The following TCF7 variants were observed in gnomAD, a reference collection of about 807,000 sequenced individuals.
TCF7 encodes transcription factor 7.
TCF7 carries 19 observed loss-of-function variants against 46.8 expected under a neutral mutation model. That is an observed-to-expected ratio of 0.41 (90% CI 0.28 to 0.60). The LOEUF (loss-of-function observed/expected upper bound fraction) is 0.60. TCF7 is among the 20% of genes least tolerant of loss of function. TCF7 has a pLI of 0.35. For missense variants in TCF7, 547 were observed against 504.6 expected (o/e 1.08, Z -0.81); for synonymous variants, 245 against 213.4 (o/e 1.15, Z -1.29).
rs1580783240 is a variant in TCF7 at position 134,114,934 on chromosome 5, G to A, written c.28G>A (p.Gly10Ser). ...GCCGCAGCTGGACTCCGGCGGGGGC[G>A]GCGCGGGCGGCGGCGACGACCTCGG... MPQLDSGGG[G>S]AGGGDDLGAP... Residue 10 changes from glycine to serine, a missense_variant, in exon 1 of 10, where the codon GGC (glycine) becomes AGC (serine). Gly to Ser is a moderately conservative substitution (Grantham distance 56). Around this residue, in one of 3 missense-constraint regions of TCF7, gnomAD observed 425 missense variants for 349.9 expected, o/e 1.21. Transcript: ENST00000342854. The A allele has an allele frequency of 3.7e-6, 4 of 1,089,462 alleles. No homozygotes were observed. Among genetic ancestry groups the A allele is most frequent in the South Asian group, 2.5e-5 (1 of 39,754 alleles). The allele number at this position is 1,089,462 out of a possible 1,614,324, so 67.5% of individuals were successfully genotyped here. A position where few individuals can be genotyped will look rare whatever the true frequency, so the allele number is the denominator to read the frequency against.
At chr5:134,125,251 G>C (rs980518066) in intron 3 of TCF7, among the ~76,000 whole-genome samples, 1 of 152,220 alleles carries the variant, frequency 6.6e-6, no homozygotes, top group African/African-American at 2.4e-5. Context: ...CTGCTGGGCC[G>C]CCATCTGAAA....
At chr5:134,137,425 CAAAAAAAAAAA>C (rs752883165) in intron 3 of TCF7, among the ~76,000 whole-genome samples, 1 of 56,572 alleles carries the variant, frequency 1.8e-5, no homozygotes. Context: ...GACTCTGTCT[CAAAAAAAAAAA>C]AAAAAAAAAA....
chr5:134,130,822 G>T (rs1222028668), intron 3 of TCF7, among the ~76,000 whole-genome samples: 1 of 152,046 alleles, frequency 6.6e-6, no homozygotes, highest in Non-Finnish European at 1.5e-5. Flanking sequence ...GCTTACACAC[G>T]CCTCCCACCC....
intron 3 of TCF7, among the ~76,000 whole-genome samples, chr5:134,134,206 G>A (rs368327499): frequency 6.6e-6 from 1 of 152,264 alleles, no homozygotes; most frequent in South Asian, 2.1e-4. Context: ...GCAGAGCAGA[G>A]ACTCTGGGAC....
At chr5:134,111,183 G>A (rs1014939096), upstream of TCF7, among the ~76,000 whole-genome samples, 3 of 152,156 alleles carry the variant, frequency 2.0e-5, no homozygotes, top group Non-Finnish European at 4.4e-5. Context: ...TAAGTGGCAC[G>A]GCAGAGATGG....
upstream of TCF7, among the ~76,000 whole-genome samples, chr5:134,111,085 G>T (rs1755323295): frequency 6.6e-6 from 1 of 152,206 alleles, no homozygotes; most frequent in Admixed American, 6.5e-5. Context: ...CAACAGAGCA[G>T]GGCAGGCCTG....
In TCF7 at chr5:134,142,718, C is replaced by G. The variant is rs1455650321; in HGVS notation, c.756-3C>G. 4 of 1,613,744 alleles carry G rather than the reference C, an allele frequency of 2.5e-6. No homozygotes were observed. On this transcript the variant is annotated splice_region_variant and splice_polypyrimidine_tract_variant and intron_variant, in intron 6 of 9. Transcript: ENST00000342854. ...CTGAACAATCTGGATTTGTGCCCCT[C>G]AGGAAGACACAAGCAGAGTCCAAGG...
chr5:134,131,707 C>G (rs902335176), intron 3 of TCF7, among the ~76,000 whole-genome samples: 1 of 152,246 alleles, frequency 6.6e-6, no homozygotes, highest in African/African-American at 2.4e-5. Flanking sequence ...CATCCAGGAC[C>G]CCCAGGCCAA....
At chr5:134,113,357 C>A (rs898645684), upstream of TCF7, among the ~76,000 whole-genome samples, 1 of 152,174 alleles carries the variant, frequency 6.6e-6, no homozygotes, top group South Asian at 2.1e-4. Context: ...CCCGGCTGGG[C>A]GGGCACAGAT....
At chr5:134,138,321 G>A (rs1197711890) in intron 4 of TCF7, 157 bp downstream of exon 4, 3 of 634,576 alleles carry the variant, frequency 4.7e-6, no homozygotes, top group Non-Finnish European at 5.4e-6. Context: ...ATGGACTGGG[G>A]GTATAAGGGC....
In TCF7 at chr5:134,135,701, A is replaced by G. The variant is rs114424318; in HGVS notation, c.442-2358A>G. Among the ~76,000 whole-genome samples the G allele has an allele frequency of 3.5e-3, 535 of 152,268 alleles. 4 individuals are homozygous for G. Among genetic ancestry groups the G allele is most frequent in the African/African-American group, 0.012 (516 of 41,530 alleles). On this transcript the variant is annotated intron_variant, in intron 3 of 9. Transcript: ENST00000342854. ...GTTTAGGGGGCATTTCAGACCACCA[A>G]GTAGAGTTGAGTAAGCATTTGGAAA... is the stretch of plus-strand genomic sequence containing the variant.
intron 3 of TCF7, among the ~76,000 whole-genome samples, chr5:134,123,247 G>C (rs1262122976): frequency 6.6e-6 from 1 of 152,124 alleles, no homozygotes; most frequent in South Asian, 2.1e-4. Context: ...GTGCCCTCTG[G>C]CCTACCCTAC....
At chr5:134,121,005 G>A (rs911274582) in intron 3 of TCF7, among the ~76,000 whole-genome samples, 3 of 152,206 alleles carry the variant, frequency 2.0e-5, no homozygotes, top group African/African-American at 7.2e-5. Flanking sequence ...TTGCTCAGTT[G>A]TGGGCCCCAC....
At chr5:134,142,367 G>C in intron 6 of TCF7, 63 bp downstream of exon 6, 1 of 1,500,742 alleles carries the variant, frequency 6.7e-7, no homozygotes, top group Admixed American at 2.1e-5. Flanking sequence ...CTCCCCACCA[G>C]GCCTGAGGAC....
chr5:134,133,076 G>A (rs891143162), intron 3 of TCF7, among the ~76,000 whole-genome samples: 1 of 152,178 alleles, frequency 6.6e-6, no homozygotes, highest in South Asian at 2.1e-4. Context: ...CAGGCATCCA[G>A]TAGAAGGCTG....
intron 3 of TCF7, among the ~76,000 whole-genome samples, chr5:134,127,416 G>A (rs1757485305): frequency 6.6e-6 from 1 of 152,252 alleles, no homozygotes; most frequent in Non-Finnish European, 1.5e-5. Flanking sequence ...GGTGCCTGAT[G>A]GAAGGACAGT....
At chr5:134,144,940 G>A in intron 9 of TCF7, 1 of 1,386,758 alleles carries the variant, frequency 7.2e-7, no homozygotes, top group Non-Finnish European at 1.0e-6. Flanking sequence ...TGTTCCACTG[G>A]GCCTGCAGCC....
intron 9 of TCF7, chr5:134,144,627 G>A: frequency 3.3e-6 from 2 of 601,392 alleles, no homozygotes; most frequent in Admixed American, 2.8e-5. Flanking sequence ...GGGCTCTTGG[G>A]CTCCCACTGG....
At chr5:134,112,321 A>G (rs1335781917), upstream of TCF7, among the ~76,000 whole-genome samples, 1 of 152,218 alleles carries the variant, frequency 6.6e-6, no homozygotes, top group Non-Finnish European at 1.5e-5. Flanking sequence ...AAAGCAGCCA[A>G]TGGCTCCTGG....
Sources: gnomAD v4.1 joint callset for allele counts (sites outside exome capture counted in the v4.1 genomes callset) on GRCh38, gnomAD v4.1.1 for gene constraint, gnomAD v4.1.1 regional missense constraint, MANE v1.5 for transcripts, NCBI Gene and HGNC (gene_info 2026-07-23, HGNC 2026-07-21) for gene names.